Variants in MTUS2 observed in about 807,000 individuals in gnomAD.
MTUS2 encodes the protein microtubule-associated tumor suppressor candidate 2.
In MTUS2, 40 loss-of-function variants were observed where a neutral mutation model predicts 114.1. That is an observed-to-expected ratio of 0.35 (90% confidence interval 0.27 to 0.46). The LOEUF is 0.46. Ranked by LOEUF, MTUS2 falls within the 20% of genes least tolerant of loss-of-function variation. MTUS2 has a pLI of 1.00. For missense variants in MTUS2, 1,679 were observed against 1,705.4 expected (o/e 0.98, Z 0.27); for synonymous variants, 688 against 672.0 (o/e 1.02, Z -0.37).
At chr13:28,827,874 G>C (rs1874377550) in intron 1 of MTUS2, among the ~76,000 whole-genome samples, 3 of 152,212 alleles carry the variant, frequency 2.0e-5, no homozygotes, top group Admixed American at 2.0e-4. Context: ...GGCAAATGGA[G>C]GCAGGGTGAG....
At chr13:29,300,288 AAAG>A (rs1899142108) in intron 6 of MTUS2, among the ~76,000 whole-genome samples, 1 of 152,220 alleles carries the variant, frequency 6.6e-6, no homozygotes, top group Non-Finnish European at 1.5e-5. Flanking sequence ...ATGCTCTTCA[AAAG>A]TAGGACACTA....
intron 2 of MTUS2, among the ~76,000 whole-genome samples, chr13:28,940,067 G>A (rs1051679814): frequency 1.3e-5 from 2 of 152,232 alleles, no homozygotes; most frequent in Non-Finnish European, 1.5e-5. Flanking sequence ...CCCATGACAC[G>A]TGGGAATTAC....
At chr13:29,017,112 A>G (rs1227671904) in intron 2 of MTUS2, among the ~76,000 whole-genome samples, 2 of 152,376 alleles carry the variant, frequency 1.3e-5, no homozygotes, top group East Asian at 3.9e-4. Context: ...TAAATATGTA[A>G]CTACATATAC....
chr13:29,189,359 G>T (rs891139561), intron 5 of MTUS2, among the ~76,000 whole-genome samples: 23 of 152,126 alleles, frequency 1.5e-4, no homozygotes, highest in African/African-American at 5.3e-4. Flanking sequence ...CAGTTATAAT[G>T]TTTAATATTT....
At chr13:29,420,884 G>A (rs933793092) in intron 8 of MTUS2, among the ~76,000 whole-genome samples, 1 of 151,508 alleles carries the variant, frequency 6.6e-6, no homozygotes, top group Non-Finnish European at 1.5e-5. Context: ...TGACTTAAAA[G>A]GGAAAAAAAG....
intron 2 of MTUS2, among the ~76,000 whole-genome samples, chr13:28,911,043 T>G (rs1198912079): frequency 6.6e-6 from 1 of 151,288 alleles, no homozygotes; most frequent in Non-Finnish European, 1.5e-5. Context: ...GCCTGGTTAA[T>G]TTTTTGTATT....
At chr13:29,233,218 T>G (rs1896402314) in intron 5 of MTUS2, among the ~76,000 whole-genome samples, 1 of 116,062 alleles carries the variant, frequency 8.6e-6, no homozygotes, top group Non-Finnish European at 1.7e-5. Context: ...GGGTTTTGGT[T>G]TTTGCATTTT....
intron 8 of MTUS2, among the ~76,000 whole-genome samples, chr13:29,419,456 C>A (rs1875919646): frequency 6.6e-6 from 1 of 152,156 alleles, no homozygotes; most frequent in South Asian, 2.1e-4. Flanking sequence ...TGGCCACTTC[C>A]ATTGGAGGTG....
At chr13:29,471,855 A>G (rs1424607232) in intron 9 of MTUS2, among the ~76,000 whole-genome samples, 1 of 151,830 alleles carries the variant, frequency 6.6e-6, no homozygotes, top group African/African-American at 2.4e-5. Context: ...TACTGTGGGT[A>G]ACGGTATGAG....
chr13:29,363,566 TAGAATAGTGGAAAGAATA>T (rs1183770662), intron 8 of MTUS2, among the ~76,000 whole-genome samples: 1 of 152,176 alleles, frequency 6.6e-6, no homozygotes, highest in African/African-American at 2.4e-5. Context: ...AAATTTAATA[TAGAATAGTGGAAAGAATA>T]AAACCCAGAT....
intron 8 of MTUS2, among the ~76,000 whole-genome samples, chr13:29,430,592 T>C (rs1254952348): frequency 6.6e-6 from 1 of 152,222 alleles, no homozygotes. Context: ...TTCTTTGCTA[T>C]ATTTCAGAAT....
At chr13:29,311,906 T>C (rs191621179) in intron 6 of MTUS2, among the ~76,000 whole-genome samples, 20 of 152,288 alleles carry the variant, frequency 1.3e-4, no homozygotes, top group African/African-American at 4.8e-4. Context: ...TTTGCCTTGG[T>C]CTAGTGAAGT....
In MTUS2 at chr13:28,882,105, G is replaced by C. The variant is rs190923665; in HGVS notation, c.-243+42255G>C. On this transcript the variant is annotated intron_variant, in intron 2 of 15. Transcript: ENST00000612955. ...GACGGAGTCTTGCTCTGTCTCCCAG[G>C]CTGGAGTGCGGCAGCATGATCTCGG... Among the ~76,000 whole-genome samples, 761 of 152,068 alleles carry C rather than the reference G, an allele frequency of 5.0e-3. 8 individuals carry two copies. The highest frequency in any genetic ancestry group is 6.8e-3 in the Middle Eastern group (2 of 294).
At chr13:28,839,552 ATAAGAT>A (rs1433808203) in intron 1 of MTUS2, among the ~76,000 whole-genome samples, 1 of 152,226 alleles carries the variant, frequency 6.6e-6, no homozygotes, top group African/African-American at 2.4e-5. Flanking sequence ...TAATCTGAAA[ATAAGAT>A]TAAGTATCTC....
At chr13:29,124,294 T>A (rs918785780) in intron 5 of MTUS2, among the ~76,000 whole-genome samples, 1 of 152,222 alleles carries the variant, frequency 6.6e-6, no homozygotes, top group South Asian at 2.1e-4. Context: ...ATCATTACAA[T>A]ATAGTGTAAT....
intron 2 of MTUS2, among the ~76,000 whole-genome samples, chr13:28,893,264 C>T (rs1566202932): frequency 6.6e-6 from 1 of 152,102 alleles, no homozygotes; most frequent in Admixed American, 6.5e-5. Flanking sequence ...ATTAAGCCAG[C>T]TGGGAAGAGG....
chr13:28,952,184 G>A (rs2138178987), intron 2 of MTUS2, among the ~76,000 whole-genome samples: 1 of 152,272 alleles, frequency 6.6e-6, no homozygotes, highest in Middle Eastern at 3.4e-3. Flanking sequence ...AAGTGAAGCA[G>A]CTTGGTACAA....
At chr13:28,877,308 A>C (rs1038181404) in intron 2 of MTUS2, among the ~76,000 whole-genome samples, 1 of 143,886 alleles carries the variant, frequency 6.9e-6, no homozygotes, top group African/African-American at 2.6e-5. Flanking sequence ...ACAGACTGAG[A>C]CTCCATCTCA....
chr13:29,112,501 T>A (rs1890920452), intron 5 of MTUS2, among the ~76,000 whole-genome samples: 3 of 151,726 alleles, frequency 2.0e-5, no homozygotes, highest in Admixed American at 1.3e-4. Context: ...TACAAGGGGG[T>A]AAGGAAGGTA....
Sources: gnomAD v4.1 joint callset for allele counts (sites outside exome capture counted in the v4.1 genomes callset) on GRCh38, gnomAD v4.1.1 for gene constraint, MANE v1.5 for transcripts, NCBI Gene and HGNC (gene_info 2026-07-23, HGNC 2026-07-21) for gene names.